Variants in ARHGAP32 observed in about 807,000 individuals in gnomAD.
ARHGAP32 encodes the protein rho GTPase-activating protein 32.
Under a neutral mutation model 186.5 loss-of-function variants are expected in ARHGAP32, and 51 were observed. The observed-to-expected ratio is 0.27, with a 90% CI of 0.22 to 0.35. The LOEUF is 0.35. Ranked by LOEUF, ARHGAP32 falls within the 10% of genes least tolerant of loss-of-function variation. The probability of loss-of-function intolerance (pLI) is 1.00; values close to 1 mark genes in which losing one functional copy is unlikely to be tolerated. For missense variants in ARHGAP32, 2,186 were observed against 2,623.5 expected, an observed-to-expected ratio of 0.83 and a Z score of 3.64; for synonymous variants, 950 against 964.3, an observed-to-expected ratio of 0.99 and a Z score of 0.27.
At chr11:129,241,143 C>G (rs960781136) in intron 1 of ARHGAP32, among the ~76,000 whole-genome samples, 14 of 152,040 alleles carry the variant, frequency 9.2e-5, no homozygotes, top group African/African-American at 3.4e-4. Flanking sequence ...CTCACATGTA[C>G]AAAATGTATA....
chr11:128,976,873 T>C (rs1012344744), intron 19 of ARHGAP32, among the ~76,000 whole-genome samples: 1 of 152,252 alleles, frequency 6.6e-6, no homozygotes, highest in Non-Finnish European at 1.5e-5. Flanking sequence ...AAATCTCTTT[T>C]CTAAAGGATT....
intron 12 of ARHGAP32, among the ~76,000 whole-genome samples, chr11:128,988,449 A>G (rs772643042): frequency 6.6e-6 from 1 of 152,216 alleles, no homozygotes. Flanking sequence ...CATTACAGCA[A>G]AGTGAACTGT....
chr11:129,192,097 C>T lies in ARHGAP32; in HGVS notation c.102G>A (p.Arg34=), dbSNP rs1301778838. The T allele has an allele frequency of 1.9e-6, 3 of 1,612,946 alleles. No individual in the cohort carries two copies. Among genetic ancestry groups the T allele is most frequent in the Middle Eastern group, 1.7e-4 (1 of 6,060 alleles). ...IQVTDCEEEE[R]EEKFRKMKSS... is the part of the protein sequence containing the mutation. ...TCCATAATCACCTGAACTTCTCTTC[C>T]CTTTCTTCCTCTTCACAGTCAGTCA... The change falls in exon 1 of 23, where the codon AGG becomes AGA. Residue 34 remains arginine (R), a synonymous_variant. Transcript: ENST00000682385.
chr11:129,015,747 A>G (rs1188047544), intron 11 of ARHGAP32, among the ~76,000 whole-genome samples: 1 of 152,246 alleles, frequency 6.6e-6, no homozygotes, highest in African/African-American at 2.4e-5. Context: ...GTGGTTCAGT[A>G]TATCACTTAA....
At chr11:129,046,396 T>A (rs376416801) in intron 10 of ARHGAP32, among the ~76,000 whole-genome samples, 1 of 149,404 alleles carries the variant, frequency 6.7e-6, no homozygotes, top group Non-Finnish European at 1.5e-5. Context: ...AATTTCACAG[T>A]TGGCTCCAGC....
exon 1 of ARHGAP32, chr11:129,279,148 A>G (rs1348523662): frequency 2.9e-5 from 4 of 138,530 alleles, no homozygotes; most frequent in African/African-American, 1.1e-4. Context: ...CGCCTTACCG[A>G]GCCCCGCGGC....
At chr11:129,222,962 G>A (rs1175508691) in intron 1 of ARHGAP32, among the ~76,000 whole-genome samples, 1 of 152,148 alleles carries the variant, frequency 6.6e-6, no homozygotes, top group Non-Finnish European at 1.5e-5. Flanking sequence ...AATAATGCAA[G>A]TGGTATATAT....
At chr11:129,225,137 T>G (rs545275297) in intron 1 of ARHGAP32, among the ~76,000 whole-genome samples, 2 of 152,110 alleles carry the variant, frequency 1.3e-5, no homozygotes, top group Non-Finnish European at 2.9e-5. Context: ...AGGCAATTAT[T>G]TAATGTTGTG....
intron 11 of ARHGAP32, among the ~76,000 whole-genome samples, chr11:129,021,420 G>A (rs1938588247): frequency 6.6e-6 from 1 of 152,022 alleles, no homozygotes; most frequent in African/African-American, 2.4e-5. Context: ...CTTCTCCAGG[G>A]TTAAAGATGA....
chr11:129,245,591 A>C (rs1945081998), intron 1 of ARHGAP32, among the ~76,000 whole-genome samples: 1 of 149,414 alleles, frequency 6.7e-6, no homozygotes, highest in African/African-American at 2.5e-5. Context: ...CTAAAACTTA[A>C]AGTATAATAA....
intron 3 of ARHGAP32, among the ~76,000 whole-genome samples, 160 bp from the exon 4 acceptor site, chr11:129,124,089 G>A (rs952384743): frequency 6.6e-6 from 1 of 152,142 alleles, no homozygotes; most frequent in African/African-American, 2.4e-5. Context: ...ACAGAGACCA[G>A]AAGAGTTTTG....
intron 11 of ARHGAP32, among the ~76,000 whole-genome samples, chr11:129,002,936 G>A (rs1317518136): frequency 4.0e-5 from 6 of 148,966 alleles, no homozygotes; most frequent in African/African-American, 1.2e-4. Flanking sequence ...AGCCTCCCGA[G>A]TAGCTGGGAC....
intron 2 of ARHGAP32, among the ~76,000 whole-genome samples, chr11:129,154,905 G>A (rs1328590815): frequency 1.3e-5 from 2 of 152,078 alleles, no homozygotes; most frequent in Non-Finnish European, 2.9e-5. Context: ...AAAATTGTAT[G>A]ATAAAGAAGG....
chr11:129,037,268 G>A (rs771107546), intron 11 of ARHGAP32, among the ~76,000 whole-genome samples: 1 of 152,100 alleles, frequency 6.6e-6, no homozygotes, highest in Non-Finnish European at 1.5e-5. Flanking sequence ...AGGCTCATGC[G>A]GGAGGATCAC....
At chr11:129,209,598 A>C (rs1944555119) in intron 1 of ARHGAP32, among the ~76,000 whole-genome samples, 1 of 151,352 alleles carries the variant, frequency 6.6e-6, no homozygotes, top group African/African-American at 2.4e-5. Flanking sequence ...AACGGAAAAC[A>C]CCCACTAGGC....
intron 19 of ARHGAP32, among the ~76,000 whole-genome samples, 182 bp downstream of exon 19, chr11:128,978,588 T>G (rs1289196885): frequency 1.3e-5 from 2 of 152,200 alleles, no homozygotes; most frequent in Admixed American, 6.5e-5. Flanking sequence ...TACATATTTA[T>G]ATATAATTTA....
chr11:128,985,143 C>T (rs557469011), intron 15 of ARHGAP32, among the ~76,000 whole-genome samples: 122 of 152,214 alleles, frequency 8.0e-4, no homozygotes, highest in Middle Eastern at 3.4e-3. Flanking sequence ...CCTCAGCCCC[C>T]GAGTAGCTGG....
intron 11 of ARHGAP32, among the ~76,000 whole-genome samples, chr11:129,017,777 T>C (rs1315690211): frequency 6.6e-6 from 1 of 152,178 alleles, no homozygotes; most frequent in Non-Finnish European, 1.5e-5. Flanking sequence ...TTCCTGACTT[T>C]AAATAGATTA....
At chr11:129,150,024 T>C (rs1050703446) in intron 2 of ARHGAP32, among the ~76,000 whole-genome samples, 1 of 148,012 alleles carries the variant, frequency 6.8e-6, no homozygotes, top group Non-Finnish European at 1.5e-5. Context: ...CAACAATATA[T>C]GAGAACAAGG....
Sources: gnomAD v4.1 joint callset for allele counts (sites outside exome capture counted in the v4.1 genomes callset) on GRCh38, gnomAD v4.1.1 for gene constraint, MANE v1.5 for transcripts, NCBI Gene and HGNC (gene_info 2026-07-23, HGNC 2026-07-21) for gene names.